Variants in KCNA3 observed in about 807,000 individuals in gnomAD.
KCNA3 encodes the protein potassium voltage-gated channel subfamily A member 3, also known as RP11-284N8.3.
KCNA3 carries 18 observed loss-of-function variants against 34.3 expected under a neutral mutation model. The ratio of observed to expected loss-of-function variants is 0.52; its 90% confidence interval spans 0.36 to 0.78. The LOEUF is 0.78. KCNA3 is among the 30% of genes least tolerant of loss of function. KCNA3 has a pLI of 0.00. For missense variants in KCNA3, 587 were observed against 802.5 expected, an observed-to-expected ratio of 0.73 and a Z score of 3.24; for synonymous variants, 324 against 351.7, an observed-to-expected ratio of 0.92 and a Z score of 0.88.
the KCNA3 span, among the ~76,000 whole-genome samples, chr1:110,663,546 T>C: frequency 2.5e-3 from 373 of 152,220 alleles, 3 homozygotes; most frequent in South Asian, 0.015. Flanking sequence ...TCAAAAGGGG[T>C]GTGGAGAAAG....
At chr1:110,665,805 AAGAGGT>A in the KCNA3 span, among the ~76,000 whole-genome samples, 13 of 152,282 alleles carry the variant, frequency 8.5e-5, no homozygotes, top group East Asian at 2.5e-3. Context: ...TCTTCTTAGG[AAGAGGT>A]AGCTGACCAT....
chr1:110,659,998 G>A, the KCNA3 span, among the ~76,000 whole-genome samples: 2 of 151,996 alleles, frequency 1.3e-5, no homozygotes, highest in East Asian at 1.9e-4. Context: ...ACAAGTTGAT[G>A]GGTGCAGCAA....
the KCNA3 span, among the ~76,000 whole-genome samples, chr1:110,662,612 G>T: frequency 6.6e-6 from 1 of 152,058 alleles, no homozygotes. Flanking sequence ...TTTCTTACTC[G>T]ATTCTATATA....
downstream of KCNA3, among the ~76,000 whole-genome samples, chr1:110,668,805 T>A (rs1651781066): frequency 6.6e-6 from 1 of 152,154 alleles, no homozygotes; most frequent in African/African-American, 2.4e-5. Flanking sequence ...CTCACATGAA[T>A]CTCTTGCTAT....
chr1:110,673,184 G>A lies in KCNA3; in HGVS notation c.1626C>T (p.Phe542=), dbSNP rs141089852. 2.3e-4 allele frequency: 376 copies of A among 1,614,106 alleles called. No individual in the cohort carries two copies. In the African/African-American group the frequency reaches 4.4e-3, roughly 19 times the overall value. The part of the protein sequence containing the change: ...IEEGGMNHSA[F]PQTPFKTGNS... Reference sequence around the variant, plus strand: ...TGCCCGTTTTGAAAGGGGTCTGGGGGAAAGCGCTATGGTTCATACCCCCCT... The same window carrying A: ...TGCCCGTTTTGAAAGGGGTCTGGGGAAAAGCGCTATGGTTCATACCCCCCT... Residue 542 remains phenylalanine (F), a synonymous_variant, in exon 1 of 1, where the codon TTC becomes TTT. Transcript: ENST00000369769. This position sits in a 1 kb window ranked among gnomAD's most constrained non-coding sequence, Gnocchi z 8.8.
At chr1:110,665,370 G>C in the KCNA3 span, among the ~76,000 whole-genome samples, 1 of 152,130 alleles carries the variant, frequency 6.6e-6, no homozygotes, top group Middle Eastern at 3.2e-3. Context: ...CAACACAGTG[G>C]ACTAAATAAG....
At chr1:110,663,691 A>G in the KCNA3 span, among the ~76,000 whole-genome samples, 8 of 152,172 alleles carry the variant, frequency 5.3e-5, no homozygotes, top group Non-Finnish European at 1.0e-4. Context: ...GTCATTCCAT[A>G]CTATATGTGT....
chr1:110,674,618 C>T lies in KCNA3; in HGVS notation c.192G>A (p.Pro64=). The change falls in exon 1 of 1, where the codon CCG becomes CCA. Residue 64 remains proline (P), a synonymous_variant. Transcript: ENST00000369769. The surrounding 1 kb of genome is among the most constrained non-coding windows in gnomAD (Gnocchi z 6.4). ...GGGCCCCTCCACCATCGGCCACCTC[C>T]GGCTCCAGCAGGTGGTCCCCGGGCA... ...TVVPGDHLLE[P]EVADGGGAPP... 3 of 1,557,704 alleles carry T rather than the reference C, an allele frequency of 1.9e-6. No homozygotes were observed. Among genetic ancestry groups the T allele is most frequent in the Non-Finnish European group, 2.6e-6 (3 of 1,160,374 alleles).
downstream of KCNA3, among the ~76,000 whole-genome samples, chr1:110,669,104 C>G (rs1651790763): frequency 6.6e-6 from 1 of 152,208 alleles, no homozygotes; most frequent in Non-Finnish European, 1.5e-5. Context: ...TTTCAGTGAA[C>G]TGGCAATCTC....
In KCNA3 at chr1:110,674,926, G is replaced by GCT; in HGVS notation, c.-119_-118dup. ...CGCCTGTTGCAGCCAAAGCCGCGAT[G>GCT]CTCTGTCTGGGTCTGGCGCGGTCAG... On this transcript the variant is annotated 5_prime_UTR_variant, in exon 1 of 1. Transcript: ENST00000369769. The surrounding 1 kb of genome is among the most constrained non-coding windows in gnomAD (Gnocchi z 6.4). 1 of 1,232,202 alleles carries GCT rather than the reference G, an allele frequency of 8.1e-7. No individual in the cohort carries two copies. The allele number at this position is 1,232,202 out of a possible 1,614,324, so 76.3% of individuals were successfully genotyped here.
At chr1:110,655,524 T>A in the KCNA3 span, 2 of 152,082 alleles carry the variant, frequency 1.3e-5, no homozygotes, top group Middle Eastern at 6.3e-3. Flanking sequence ...TTTAAAAAAA[T>A]GGACGAAATC....
At chr1:110,654,318 C>T in the KCNA3 span, 1 of 152,060 alleles carries the variant, frequency 6.6e-6, no homozygotes, top group African/African-American at 2.4e-5. Context: ...GTTTTTCTCC[C>T]CAGTCCCTCT....
Position 110,673,618 on chromosome 1 carries a change from G to A in KCNA3, c.1192C>T (p.Leu398=). The part of the protein sequence containing the change: ...GQTLKASMRE[L]GLLIFFLFIG... Reference sequence around the variant, plus strand: ...AAGAGGAAGAAGATGAGCAATCCCAGCTCCCGCATGGACGCCTTCAGCGTT... The same window carrying A: ...AAGAGGAAGAAGATGAGCAATCCCAACTCCCGCATGGACGCCTTCAGCGTT... The change falls in exon 1 of 1, where the codon CTG becomes TTG. Residue 398 remains leucine, a synonymous_variant. Coordinates refer to ENST00000369769, the MANE Select transcript of KCNA3 (RefSeq NM_002232.5). The surrounding 1 kb of genome is among the most constrained non-coding windows in gnomAD (Gnocchi z 8.8). The A allele has an allele frequency of 1.2e-6, 2 of 1,614,212 alleles. No individual in the cohort carries two copies. The highest frequency in any genetic ancestry group is 1.7e-6 in the Non-Finnish European group (2 of 1,180,036).
chr1:110,664,965 T>C, the KCNA3 span, among the ~76,000 whole-genome samples: 63,161 of 151,978 alleles, frequency 0.42, 13,422 homozygotes, highest in Middle Eastern at 0.5. Context: ...AGGTGGAGCA[T>C]GCCTGGTGTA....
the KCNA3 span, chr1:110,654,356 A>T: frequency 6.6e-6 from 1 of 152,158 alleles, no homozygotes; most frequent in African/African-American, 2.4e-5. Flanking sequence ...TCACAGAATA[A>T]ATGTGATGAA....
downstream of KCNA3, among the ~76,000 whole-genome samples, chr1:110,671,742 C>A (rs2100948380): frequency 6.6e-6 from 1 of 152,146 alleles, no homozygotes; most frequent in East Asian, 1.9e-4. Flanking sequence ...CTGATCGAAT[C>A]TCTCATTTGC....
chr1:110,662,129 AAAAAAAAT>A, the KCNA3 span, among the ~76,000 whole-genome samples: 35 of 150,608 alleles, frequency 2.3e-4, no homozygotes, highest in Admixed American at 1.3e-3. Flanking sequence ...AAAAAAAAAA[AAAAAAAAT>A]TCAGAATGTC....
chr1:110,658,379 T>A, the KCNA3 span, among the ~76,000 whole-genome samples: 2 of 152,194 alleles, frequency 1.3e-5, no homozygotes, highest in Non-Finnish European at 2.9e-5. Flanking sequence ...GATTGGTTAT[T>A]TATGCATTTG....
the KCNA3 span, among the ~76,000 whole-genome samples, chr1:110,659,000 T>G: frequency 1.3e-5 from 2 of 152,194 alleles, no homozygotes; most frequent in African/African-American, 4.8e-5. Context: ...AAGTCTGTCT[T>G]TAATACCATT....
Sources: allele counts gnomAD v4.1 joint callset (sites outside exome capture counted in the v4.1 genomes callset), GRCh38; gene constraint gnomAD v4.1.1; non-coding constraint Gnocchi (gnomAD v3.1); transcripts MANE v1.5; gene names NCBI Gene and HGNC (gene_info 2026-07-23, HGNC 2026-07-21).